The following ENTREP2 variants were observed in gnomAD, a reference collection of about 807,000 sequenced individuals.
ENTREP2 encodes protein ENTREP2.
At chr15:29,496,747 A>T in the ENTREP2 span, among the ~76,000 whole-genome samples, 1 of 152,198 alleles carries the variant, frequency 6.6e-6, no homozygotes, top group African/African-American at 2.4e-5. Flanking sequence ...CTATCTTTGT[A>T]TCCCAGGGAT....
the ENTREP2 span, among the ~76,000 whole-genome samples, chr15:29,429,190 T>TATCTATCC: frequency 3.5e-4 from 52 of 149,276 alleles, no homozygotes; most frequent in African/African-American, 1.3e-3. Context: ...GATGTCTATC[T>TATCTATCC]ATCCATCCAT....
At chr15:29,316,935 T>C in the ENTREP2 span, among the ~76,000 whole-genome samples, 42 of 152,308 alleles carry the variant, frequency 2.8e-4, no homozygotes, top group African/African-American at 9.9e-4. Flanking sequence ...CAAATTTGTT[T>C]TATTACATAT....
the ENTREP2 span, among the ~76,000 whole-genome samples, chr15:29,529,865 C>A: frequency 6.6e-6 from 1 of 152,164 alleles, no homozygotes; most frequent in Non-Finnish European, 1.5e-5. Flanking sequence ...TATGGCCATT[C>A]TGAATCTCAG....
At chr15:29,236,296 A>T in the ENTREP2 span, among the ~76,000 whole-genome samples, 1 of 152,186 alleles carries the variant, frequency 6.6e-6, no homozygotes, top group Admixed American at 6.6e-5. Context: ...AAAAACACAA[A>T]CTACCATAAT....
At chr15:29,472,428 AAC>A in the ENTREP2 span, among the ~76,000 whole-genome samples, 10,711 of 140,570 alleles carry the variant, frequency 0.076, 372 homozygotes, top group Middle Eastern at 0.12. Context: ...CACAACACAC[AAC>A]ACACACACAC....
At chr15:29,228,731 T>C in the ENTREP2 span, among the ~76,000 whole-genome samples, 1 of 152,162 alleles carries the variant, frequency 6.6e-6, no homozygotes, top group Non-Finnish European at 1.5e-5. Context: ...GTACAAATTA[T>C]CAGTGAGATA....
At chr15:29,252,637 T>C in the ENTREP2 span, among the ~76,000 whole-genome samples, 1 of 152,172 alleles carries the variant, frequency 6.6e-6, no homozygotes, top group East Asian at 1.9e-4. Flanking sequence ...AGGTTATTTC[T>C]CAAACTTCCA....
At chr15:29,134,670 C>T in the ENTREP2 span, among the ~76,000 whole-genome samples, 1 of 152,354 alleles carries the variant, frequency 6.6e-6, no homozygotes, top group South Asian at 2.1e-4. Flanking sequence ...GTGACCAGTC[C>T]TTGTGGGTGT....
the ENTREP2 span, among the ~76,000 whole-genome samples, chr15:29,399,172 G>T: frequency 6.6e-6 from 1 of 152,170 alleles, no homozygotes; most frequent in Non-Finnish European, 1.5e-5. Flanking sequence ...CAACCTGAAG[G>T]AGTTTGGAAG....
At chr15:29,539,608 G>A in the ENTREP2 span, among the ~76,000 whole-genome samples, 1 of 151,998 alleles carries the variant, frequency 6.6e-6, no homozygotes, top group Non-Finnish European at 1.5e-5. Flanking sequence ...CCTATTTCCT[G>A]GAGGGTCTAC....
the ENTREP2 span, chr15:29,375,391 A>C: frequency 6.6e-6 from 1 of 152,206 alleles, no homozygotes; most frequent in Non-Finnish European, 1.5e-5. Flanking sequence ...CTTCCTCTCC[A>C]AATCTCCAGA....
the ENTREP2 span, among the ~76,000 whole-genome samples, chr15:29,461,435 T>C: frequency 6.6e-6 from 1 of 152,216 alleles, no homozygotes; most frequent in African/African-American, 2.4e-5. Context: ...ATTTTTATTA[T>C]GATAAAATAC....
the ENTREP2 span, chr15:29,136,403 G>A: frequency 1.2e-5 from 18 of 1,533,464 alleles, no homozygotes; most frequent in South Asian, 3.7e-5. Context: ...CGCCTCGTAC[G>A]GAGGGGGGAG....
At chr15:29,614,279 G>C in the ENTREP2 span, 5 of 152,034 alleles carry the variant, frequency 3.3e-5, no homozygotes, top group African/African-American at 1.2e-4. Context: ...CGACAGTCTA[G>C]GACGCCGCCG....
At chr15:29,179,999 T>A in the ENTREP2 span, among the ~76,000 whole-genome samples, 1 of 151,958 alleles carries the variant, frequency 6.6e-6, no homozygotes, top group Non-Finnish European at 1.5e-5. Flanking sequence ...GGAGTTTGGA[T>A]AAGGACCCAG....
At chr15:29,208,633 G>C in the ENTREP2 span, among the ~76,000 whole-genome samples, 1 of 152,160 alleles carries the variant, frequency 6.6e-6, no homozygotes, top group Admixed American at 6.5e-5. Flanking sequence ...AAAACACACA[G>C]TTTGGCAGTA....
At chr15:29,534,534 T>C in the ENTREP2 span, among the ~76,000 whole-genome samples, 1 of 152,222 alleles carries the variant, frequency 6.6e-6, no homozygotes, top group Non-Finnish European at 1.5e-5. Flanking sequence ...CCCAGATTAG[T>C]CTCCAAGTTT....
the ENTREP2 span, among the ~76,000 whole-genome samples, chr15:29,245,777 T>C: frequency 6.6e-6 from 1 of 152,154 alleles, no homozygotes; most frequent in African/African-American, 2.4e-5. Flanking sequence ...AATTACATAA[T>C]AAAATTGTAC....
At chr15:29,280,592 C>T in the ENTREP2 span, among the ~76,000 whole-genome samples, 1 of 152,206 alleles carries the variant, frequency 6.6e-6, no homozygotes. Context: ...AGACACATGT[C>T]AGCACCTGGG....
Sources: allele counts gnomAD v4.1 joint callset (sites outside exome capture counted in the v4.1 genomes callset), GRCh38; gene constraint gnomAD v4.1.1; transcripts MANE v1.5; gene names NCBI Gene and HGNC (gene_info 2026-07-23, HGNC 2026-07-21).